The following KLHL5 variants were observed in gnomAD, a reference collection of about 807,000 sequenced individuals.
KLHL5 encodes kelch like family member 5.
KLHL5 carries 48 observed loss-of-function variants against 77.7 expected under a neutral mutation model. The ratio of observed to expected loss-of-function variants is 0.62; its 90% CI spans 0.49 to 0.79. The LOEUF is 0.79. Among genes scored for constraint, KLHL5 ranks in the 30% least tolerant of loss-of-function variants. The pLI, the probability that KLHL5 is intolerant of heterozygous loss-of-function variation, is 0.00. For missense variants in KLHL5, 723 were observed against 859.7 expected, an observed-to-expected ratio of 0.84 and a Z score of 1.99; for synonymous variants, 260 against 297.0, an observed-to-expected ratio of 0.88 and a Z score of 1.28.
intron 2 of KLHL5, among the ~76,000 whole-genome samples, chr4:39,077,709 A>T (rs1447426523): frequency 1.4e-5 from 2 of 139,172 alleles, no homozygotes; most frequent in Non-Finnish European, 3.1e-5. Flanking sequence ...AAAAAAAAAA[A>T]CAAAAAACAA....
At position 39,121,238 on chromosome 4, in the gene KLHL5, G is replaced by C; in HGVS notation, c.*172G>C. 6.7e-6 allele frequency: 4 copies of C among 600,736 alleles called. No homozygotes were observed. The East Asian group carries it at 8.4e-5, about 13-fold the overall frequency. The allele number at this position is 600,736 out of a possible 1,614,324, so 37.2% of individuals were successfully genotyped here. On this transcript the variant is annotated 3_prime_UTR_variant, in exon 11 of 11. Coordinates refer to ENST00000504108, the MANE Select transcript of KLHL5 (RefSeq NM_015990.5). ...AAGGGAGGAAGCAGTGGATGGACCA[G>C]GATTAATTCCTTTCATTTCTTAGTA...
At chr4:39,140,446 T>C in the KLHL5 span, among the ~76,000 whole-genome samples, 1 of 152,230 alleles carries the variant, frequency 6.6e-6, no homozygotes, top group Non-Finnish European at 1.5e-5. Flanking sequence ...TTCAGGGTGA[T>C]GGACCCGCAT....
At chr4:39,100,793 G>C (rs1221050496) in intron 6 of KLHL5, among the ~76,000 whole-genome samples, 1 of 151,956 alleles carries the variant, frequency 6.6e-6, no homozygotes, top group Non-Finnish European at 1.5e-5. Flanking sequence ...TTATTTCTGA[G>C]TTTTTTTAGT....
chr4:39,107,393 A>G (rs971169375), intron 7 of KLHL5, among the ~76,000 whole-genome samples, 176 bp from the exon 8 acceptor site: 19 of 43,694 alleles, frequency 4.3e-4, no homozygotes, highest in African/African-American at 1.5e-3. Flanking sequence ...ATTTCAACCC[A>G]CCCACCCACC....
At chr4:39,091,155 AT>A (rs1338486425) in intron 5 of KLHL5, among the ~76,000 whole-genome samples, 2 of 151,506 alleles carry the variant, frequency 1.3e-5, no homozygotes, top group African/African-American at 4.9e-5. Context: ...CGCCTGGCTA[AT>A]TTTTGTATTT....
rs534082626 is a variant in KLHL5 at position 39,087,223 on chromosome 4, C to A, written c.1113+496C>A. 3.9e-5 allele frequency among the ~76,000 whole-genome samples: 6 copies of A among 152,204 alleles called. No homozygotes were observed. In the South Asian group the frequency reaches 1.2e-3, roughly 32 times the overall value. ...GCTGTGCCCGGCCTCAATTAAGTAA[C>A]ATTCTTGATTTTGGGTTAGTAACTT... On this transcript the variant is annotated intron_variant, in intron 5 of 10. Coordinates refer to ENST00000504108, the MANE Select transcript of KLHL5 (RefSeq NM_015990.5).
chr4:39,106,980 C>T (rs1722082623), intron 7 of KLHL5, among the ~76,000 whole-genome samples: 1 of 151,484 alleles, frequency 6.6e-6, no homozygotes, highest in Non-Finnish European at 1.5e-5. Context: ...GATCCTTCCA[C>T]CTTGGCCTCT....
chr4:39,112,828 T>A (rs1274592677), intron 8 of KLHL5, 192 bp from the exon 9 acceptor site: 2 of 562,640 alleles, frequency 3.6e-6, no homozygotes, highest in South Asian at 4.1e-5. Context: ...TTCATGTATA[T>A]ACAGAGTGAT....
At chr4:39,073,833 T>A (rs926230430) in intron 1 of KLHL5, among the ~76,000 whole-genome samples, 7 of 150,574 alleles carry the variant, frequency 4.6e-5, no homozygotes, top group South Asian at 4.2e-4. Flanking sequence ...TTTTTATTTT[T>A]TTTTTTGTAT....
At chr4:39,109,335 G>A (rs1461848310) in intron 8 of KLHL5, among the ~76,000 whole-genome samples, 2 of 151,882 alleles carry the variant, frequency 1.3e-5, no homozygotes, top group African/African-American at 2.4e-5. Context: ...TCACTCTGTC[G>A]CCCAGGCTGG....
rs1337505167 is a variant in KLHL5 at position 39,107,581 on chromosome 4, T to A, written c.1538T>A (p.Leu513Gln). ...THRHGLGVAV[L>Q]EGPMYAVGGH... ...TGTCTCCTCATAGGTGTGGCTGTAC[T>A]GGAAGGTCCCATGTATGCCGTAGGA... The change falls in exon 8 of 11, where the codon CTG becomes CAG. Residue 513 changes from leucine (L) to glutamine (Q), a missense_variant. Coordinates refer to ENST00000504108, the MANE Select transcript of KLHL5 (RefSeq NM_015990.5). 1 of 1,610,092 alleles carries A rather than the reference T, an allele frequency of 6.2e-7. No homozygotes were observed. The highest frequency in any genetic ancestry group is 8.5e-7 in the Non-Finnish European group (1 of 1,177,302).
chr4:39,060,551 G>C (rs568985969), upstream of KLHL5, among the ~76,000 whole-genome samples: 1 of 151,762 alleles, frequency 6.6e-6, no homozygotes, highest in Non-Finnish European at 1.5e-5. Context: ...TTACAAAGAT[G>C]ATAGTGCCTG....
intron 6 of KLHL5, among the ~76,000 whole-genome samples, chr4:39,101,035 G>A (rs913859220): frequency 1.3e-5 from 2 of 149,828 alleles, no homozygotes; most frequent in African/African-American, 2.5e-5. Flanking sequence ...TTTATAAAAG[G>A]TTAATTATTT....
rs539143943 is a variant in KLHL5, at chr4:39,082,260, G to A, written c.900+101G>A. ...TACTGTTTTCCCATGGCTCTGCCAC[G>A]TGTCTTGCGATTGAGCTTCATTGCC... On this transcript the variant is annotated intron_variant, in intron 4 of 10. Coordinates refer to ENST00000504108, the MANE Select transcript of KLHL5 (RefSeq NM_015990.5). The A allele has an allele frequency of 6.5e-4, 622 of 963,130 alleles. 13 individuals are homozygous for A. The South Asian group carries it at 0.01, about 16-fold the overall frequency. The allele number at this position is 963,130 out of a possible 1,614,324, so 59.7% of individuals were successfully genotyped here.
chr4:39,114,868 T>A (rs913394734), intron 9 of KLHL5, among the ~76,000 whole-genome samples: 1 of 152,162 alleles, frequency 6.6e-6, no homozygotes, highest in Non-Finnish European at 1.5e-5. Flanking sequence ...TACACAGAGC[T>A]TAATGCATTG....
rs60740721 is a variant in KLHL5 at position 39,069,430 on chromosome 4, TTATATATATATATATA to T, written c.383+6424_383+6439del. 8.6e-3 allele frequency among the ~76,000 whole-genome samples: 261 copies of T among 30,458 alleles called. 2 individuals carry two copies. The highest frequency in any genetic ancestry group is 0.03 in the African/African-American group (252 of 8,294). The allele number at this position is 30,458 out of a possible 152,430, so 20.0% of individuals were successfully genotyped here. A position where few individuals can be genotyped will look rare whatever the true frequency, so the allele number is the denominator to read the frequency against. On this transcript the variant is annotated intron_variant, in intron 1 of 10. Coordinates refer to ENST00000504108, the MANE Select transcript of KLHL5 (RefSeq NM_015990.5). ...AAGTGAATTTTTCCCTATTAACATT[TTATATATATATATATA>T]TATATATATATATATATATATATAT...
At chr4:39,047,645 C>T (rs1477354660) in intron 1 of KLHL5, among the ~76,000 whole-genome samples, 1 of 152,178 alleles carries the variant, frequency 6.6e-6, no homozygotes, top group African/African-American at 2.4e-5. Flanking sequence ...TGCAAGTTGC[C>T]TGTTGAAGGA....
chr4:39,115,021 A>T, intron 9 of KLHL5, 138 bp from the exon 10 acceptor site: 1 of 756,102 alleles, frequency 1.3e-6, no homozygotes, highest in Non-Finnish European at 2.1e-6. Context: ...AAATACTGAT[A>T]TTTTTCTCTA....
chr4:39,133,610 A>T, the KLHL5 span, among the ~76,000 whole-genome samples: 1 of 151,322 alleles, frequency 6.6e-6, no homozygotes, highest in Non-Finnish European at 1.5e-5. Flanking sequence ...AAAATTTTTT[A>T]TCTGTAGTAA....
Sources: allele counts gnomAD v4.1 joint callset (sites outside exome capture counted in the v4.1 genomes callset), GRCh38; gene constraint gnomAD v4.1.1; transcripts MANE v1.5; gene names NCBI Gene and HGNC (gene_info 2026-07-23, HGNC 2026-07-21).